The following ABCC1 variants were observed in gnomAD, a reference collection of about 807,000 sequenced individuals.
ABCC1 encodes ATP binding cassette subfamily C member 1 (ABCC1 blood group), also known as multidrug resistance-associated protein 1.
A neutral mutation model predicts 172.9 loss-of-function variants in ABCC1; 83 were observed. The ratio of observed to expected loss-of-function variants is 0.48; its 90% confidence interval spans 0.40 to 0.58. The LOEUF (loss-of-function observed/expected upper bound fraction) is 0.58. ABCC1 is among the 20% of genes least tolerant of loss of function. The pLI is 0.00. For synonymous variants in ABCC1, 937 were observed against 825.2 expected, an observed-to-expected ratio of 1.14 and a Z score of -2.32; for missense variants, 1,817 against 2,002.7, an observed-to-expected ratio of 0.91 and a Z score of 1.77.
intron 1 of ABCC1, among the ~76,000 whole-genome samples, chr16:15,978,861 C>T (rs1236482268): frequency 6.6e-6 from 1 of 152,072 alleles, no homozygotes; most frequent in Non-Finnish European, 1.5e-5. Context: ...GGGTTAGGAT[C>T]AGGAATGCTA....
intron 22 of ABCC1, among the ~76,000 whole-genome samples, chr16:16,113,256 G>C (rs1426502469): frequency 6.6e-6 from 1 of 152,134 alleles, no homozygotes; most frequent in Non-Finnish European, 1.5e-5. Flanking sequence ...GAACAGAGAG[G>C]GTGTGGTATT....
At chr16:16,023,623 G>A (rs78973257) in intron 5 of ABCC1, among the ~76,000 whole-genome samples, 171 of 152,318 alleles carry the variant, frequency 1.1e-3, no homozygotes, top group Non-Finnish European at 2.0e-3. Context: ...CACTGCCCTG[G>A]AGGAGAGATG....
At chr16:16,089,796 G>T (rs956415566) in intron 18 of ABCC1, among the ~76,000 whole-genome samples, 1 of 150,818 alleles carries the variant, frequency 6.6e-6, no homozygotes, top group African/African-American at 2.4e-5. Flanking sequence ...CACGGGAATT[G>T]CTTGAACCCG....
At chr16:16,103,383 C>G (rs1205593630) in intron 20 of ABCC1, among the ~76,000 whole-genome samples, 1 of 151,924 alleles carries the variant, frequency 6.6e-6, no homozygotes, top group Admixed American at 6.6e-5. Context: ...AGTTGAAGAC[C>G]AGCCTGGCCA....
rs2046108519 is a variant in ABCC1, at chr16:16,141,067, G to C, written c.4488-106G>C. 1.0e-5 allele frequency: 9 copies of C among 899,722 alleles called. No individual in the cohort carries two copies. In the South Asian group the frequency reaches 1.3e-4, roughly 13 times the overall value. The allele number at this position is 899,722 out of a possible 1,614,324, so 55.7% of individuals were successfully genotyped here. On this transcript the variant is annotated intron_variant, in intron 30 of 30. Transcript: ENST00000399410. ...TACTGCACCAGTCCTAGCAAAAAGTGTTAGGGGCCTGACCCGAAGCAGTGA... is the reference window on the plus strand; with the variant it reads ...TACTGCACCAGTCCTAGCAAAAAGTCTTAGGGGCCTGACCCGAAGCAGTGA...
chr16:16,031,494 C>T (rs1225560675), intron 5 of ABCC1, among the ~76,000 whole-genome samples: 1 of 152,156 alleles, frequency 6.6e-6, no homozygotes, highest in East Asian at 1.9e-4. Flanking sequence ...TGCTTAGAAT[C>T]TCTCAGTACT....
intron 12 of ABCC1, among the ~76,000 whole-genome samples, chr16:16,063,190 T>A (rs1311914158): frequency 1.3e-5 from 2 of 152,182 alleles, no homozygotes; most frequent in Non-Finnish European, 2.9e-5. Flanking sequence ...CACTGCAACC[T>A]CCACCTCCCA....
rs35163690 is a variant in ABCC1 at position 16,034,580 on chromosome 16, CTTTTTTTTTTTTTTTT to C, written c.677+1420_677+1435del. 5.9e-4 allele frequency among the ~76,000 whole-genome samples: 50 copies of C among 84,692 alleles called. 1 individual carries two copies. The highest frequency in any genetic ancestry group is 2.5e-3 in the African/African-American group (49 of 19,276). 55.6% of individuals were successfully genotyped at this position (84,692 alleles called of 152,430 possible). A position where few individuals can be genotyped will look rare whatever the true frequency, so the allele number is the denominator to read the frequency against. On this transcript the variant is annotated intron_variant, in intron 6 of 30. Coordinates refer to ENST00000399410, the MANE Select transcript of ABCC1 (RefSeq NM_004996.4). ...AAGGCATGTAGAGGCTGTATGTTAA[CTTTTTTTTTTTTTTTT>C]TTTTTTTTTGAGATGGAGTCTTGCT...
intron 7 of ABCC1, among the ~76,000 whole-genome samples, chr16:16,040,418 G>C (rs1449239002): frequency 6.6e-6 from 1 of 151,900 alleles, no homozygotes; most frequent in African/African-American, 2.4e-5. Flanking sequence ...CTCCGGAGTA[G>C]CTGGGATTAC....
chr16:16,040,412 G>A (rs1048529491), intron 7 of ABCC1, among the ~76,000 whole-genome samples: 3 of 151,052 alleles, frequency 2.0e-5, no homozygotes, highest in Non-Finnish European at 4.4e-5. Flanking sequence ...CTCAGCCTCC[G>A]GAGTAGCTGG....
intron 1 of ABCC1, among the ~76,000 whole-genome samples, chr16:15,951,704 T>A (rs1223136837): frequency 6.6e-6 from 1 of 152,118 alleles, no homozygotes; most frequent in African/African-American, 2.4e-5. Flanking sequence ...TCTTTTTCTT[T>A]TTTGAGACAG....
chr16:16,068,723 A>T (rs1454389155), intron 13 of ABCC1, among the ~76,000 whole-genome samples: 1 of 152,140 alleles, frequency 6.6e-6, no homozygotes, highest in Admixed American at 6.5e-5. Flanking sequence ...GCGGCGGCTC[A>T]TGCCTGTATT....
In ABCC1 at chr16:15,993,271, T is replaced by C. The variant is rs115836280; in HGVS notation, c.49-14545T>C. Reference sequence around the variant, plus strand: ...ATGCATGACAGGAACCCTGCACTTATCTGTGTTAATCCGTCTCTTGGCTGC... The same window carrying C: ...ATGCATGACAGGAACCCTGCACTTACCTGTGTTAATCCGTCTCTTGGCTGC... On this transcript the variant is annotated intron_variant, in intron 1 of 30. Transcript: ENST00000399410. Among the ~76,000 whole-genome samples, 202 of 152,298 alleles carry C rather than the reference T, an allele frequency of 1.3e-3. 2 individuals are homozygous for C. The highest frequency in any genetic ancestry group is 8.7e-3 in the South Asian group (42 of 4,830).
intron 12 of ABCC1, among the ~76,000 whole-genome samples, chr16:16,064,177 G>A (rs35597): frequency 0.41 from 62,303 of 151,918 alleles, 13,398 homozygotes; most frequent in East Asian, 0.54. Context: ...GGTTTTCCAC[G>A]TTTCTCAGAA....
intron 1 of ABCC1, among the ~76,000 whole-genome samples, chr16:15,981,714 A>G (rs926802316): frequency 6.6e-6 from 1 of 152,012 alleles, no homozygotes; most frequent in African/African-American, 2.4e-5. Context: ...CCCTGGAGAC[A>G]TTTTCCCCAT....
At chr16:16,062,774 G>A (rs879364524) in intron 12 of ABCC1, among the ~76,000 whole-genome samples, 44 of 152,162 alleles carry the variant, frequency 2.9e-4, no homozygotes, top group Admixed American at 1.8e-3. Flanking sequence ...TTTACCCAGC[G>A]GTAGGTGTGA....
intron 27 of ABCC1, among the ~76,000 whole-genome samples, chr16:16,133,391 TTTTTGTTTTTG>T (rs1365993780): frequency 4.6e-5 from 7 of 151,150 alleles, no homozygotes; most frequent in African/African-American, 1.7e-4. Context: ...TTTGTTTTTG[TTTTTGTTTTTG>T]TTTTGTTTTG....
intron 1 of ABCC1, among the ~76,000 whole-genome samples, chr16:15,967,861 A>G (rs1272001797): frequency 1.3e-5 from 2 of 151,950 alleles, no homozygotes; most frequent in African/African-American, 2.4e-5. Flanking sequence ...TGACATATAC[A>G]TATTTTGGAA....
intron 14 of ABCC1, among the ~76,000 whole-genome samples, chr16:16,073,199 A>T (rs1207211197): frequency 6.6e-6 from 1 of 152,066 alleles, no homozygotes. Flanking sequence ...GGGTGATGGA[A>T]ACCCCCATTT....
Sources: allele counts gnomAD v4.1 joint callset (sites outside exome capture counted in the v4.1 genomes callset), GRCh38; gene constraint gnomAD v4.1.1; transcripts MANE v1.5; gene names NCBI Gene and HGNC (gene_info 2026-07-23, HGNC 2026-07-21).